Variants in ACTR3C observed in about 807,000 individuals in gnomAD.
The protein encoded by ACTR3C is actin-related protein 3C.
A neutral mutation model predicts 26.3 loss-of-function variants in ACTR3C; 18 were observed. The ratio of observed to expected loss-of-function variants is 0.68; its 90% CI spans 0.47 to 1.01. The LOEUF is 1.01. ACTR3C is among the 50% of genes least tolerant of loss of function. The pLI, the probability that ACTR3C is intolerant of heterozygous loss-of-function variation, is 0.00. For synonymous variants in ACTR3C, 55 were observed against 94.5 expected (o/e 0.58, Z 2.42); for missense variants, 184 against 250.7 (o/e 0.73, Z 1.80).
At chr7:149,956,704 T>C in the ACTR3C span, among the ~76,000 whole-genome samples, 2 of 151,120 alleles carry the variant, frequency 1.3e-5, no homozygotes, top group East Asian at 3.9e-4. Context: ...TTGCAGTAGG[T>C]TAGGCATACA....
At chr7:149,946,683 A>AT in the ACTR3C span, among the ~76,000 whole-genome samples, 1 of 152,216 alleles carries the variant, frequency 6.6e-6, no homozygotes, top group African/African-American at 2.4e-5. Flanking sequence ...TATGGACTAA[A>AT]TTTTTAAGTT....
chr7:149,896,861 A>G, the ACTR3C span, among the ~76,000 whole-genome samples: 1 of 151,846 alleles, frequency 6.6e-6, no homozygotes, highest in Non-Finnish European at 1.5e-5. Flanking sequence ...GGAGTTCAAG[A>G]CCAGCCTGAC....
At chr7:150,096,300 G>A in the ACTR3C span, among the ~76,000 whole-genome samples, 6 of 150,914 alleles carry the variant, frequency 4.0e-5, 1 homozygote, top group South Asian at 2.1e-4. Context: ...TGGAGTTTAC[G>A]AGGTTCTTGG....
the ACTR3C span, among the ~76,000 whole-genome samples, chr7:149,985,581 A>G: frequency 6.6e-6 from 1 of 152,202 alleles, no homozygotes; most frequent in Non-Finnish European, 1.5e-5. Context: ...AGTGGGCACC[A>G]CCCAATCCAG....
chr7:150,074,065 C>T, the ACTR3C span: 1 of 152,234 alleles, frequency 6.6e-6, no homozygotes, highest in Non-Finnish European at 1.5e-5. Context: ...TGCTGCCTCA[C>T]CAGAAAAGGA....
intron 6 of ACTR3C, among the ~76,000 whole-genome samples, chr7:150,261,029 G>A (rs1833599031): frequency 6.6e-6 from 1 of 152,122 alleles, no homozygotes; most frequent in African/African-American, 2.4e-5. Flanking sequence ...AAGTTTTTAA[G>A]CAAAACTTTA....
the ACTR3C span, among the ~76,000 whole-genome samples, chr7:150,042,786 T>C: frequency 6.6e-6 from 1 of 151,474 alleles, no homozygotes; most frequent in African/African-American, 2.4e-5. Flanking sequence ...TTTAGAGACG[T>C]AGGCTACCGG....
chr7:150,103,578 A>C, the ACTR3C span, among the ~76,000 whole-genome samples: 2 of 151,926 alleles, frequency 1.3e-5, no homozygotes. Context: ...GGTTGCAATG[A>C]ACATATATAA....
At chr7:150,292,565 AT>A (rs1351137900) in intron 3 of ACTR3C, among the ~76,000 whole-genome samples, 1 of 145,990 alleles carries the variant, frequency 6.8e-6, no homozygotes, top group Non-Finnish European at 1.5e-5. Context: ...CAATGGCGCG[AT>A]CTCGGCTCAC....
At chr7:150,159,132 C>T in the ACTR3C span, among the ~76,000 whole-genome samples, 1 of 151,904 alleles carries the variant, frequency 6.6e-6, no homozygotes, top group Non-Finnish European at 1.5e-5. Context: ...CACCATATCG[C>T]GCACCCTAAA....
At chr7:150,074,207 C>T in the ACTR3C span, 1 of 152,222 alleles carries the variant, frequency 6.6e-6, no homozygotes, top group East Asian at 1.9e-4. Flanking sequence ...GCATCTGTGC[C>T]AGGTTCCCTG....
At chr7:150,044,994 C>G in the ACTR3C span, 3 of 152,120 alleles carry the variant, frequency 2.0e-5, no homozygotes, top group African/African-American at 7.2e-5. Context: ...GAAGTAGCCG[C>G]GCTCCCAGCT....
chr7:150,003,427 A>G, the ACTR3C span, among the ~76,000 whole-genome samples: 1 of 151,068 alleles, frequency 6.6e-6, no homozygotes, highest in Admixed American at 6.6e-5. Flanking sequence ...GTAGTGTGTT[A>G]TGTGGTGTAT....
At chr7:150,257,401 A>G (rs1396475834) in intron 6 of ACTR3C, among the ~76,000 whole-genome samples, 1 of 152,208 alleles carries the variant, frequency 6.6e-6, no homozygotes, top group African/African-American at 2.4e-5. Flanking sequence ...TCAGGTGAGA[A>G]AAGGACTGAG....
At chr7:150,211,504 C>T in the ACTR3C span, among the ~76,000 whole-genome samples, 3 of 151,544 alleles carry the variant, frequency 2.0e-5, no homozygotes, top group African/African-American at 7.3e-5. Flanking sequence ...TCATCTTGAA[C>T]TCGTGGACTC....
the ACTR3C span, among the ~76,000 whole-genome samples, chr7:149,913,454 T>TA: frequency 6.6e-6 from 1 of 152,118 alleles, no homozygotes; most frequent in Admixed American, 6.6e-5. Context: ...GTTTACCTAT[T>TA]AGTTACAGGA....
intron 1 of ACTR3C, among the ~76,000 whole-genome samples, chr7:150,305,984 C>T (rs537015261): frequency 1.2e-4 from 19 of 152,252 alleles, no homozygotes; most frequent in East Asian, 1.2e-3. Flanking sequence ...CATTAACATA[C>T]GGTTAAGGAC....
At chr7:149,972,162 C>T in the ACTR3C span, among the ~76,000 whole-genome samples, 1 of 152,230 alleles carries the variant, frequency 6.6e-6, no homozygotes, top group Non-Finnish European at 1.5e-5. Context: ...CACTTACCCC[C>T]ATCCTCCCGC....
the ACTR3C span, among the ~76,000 whole-genome samples, chr7:149,889,630 G>C: frequency 2.0e-5 from 3 of 152,142 alleles, no homozygotes; most frequent in Non-Finnish European, 4.4e-5. Context: ...AGCACAAAAG[G>C]CTGGAGAGGA....
Sources: gnomAD v4.1 joint callset for allele counts (sites outside exome capture counted in the v4.1 genomes callset) on GRCh38, gnomAD v4.1.1 for gene constraint, MANE v1.5 for transcripts, NCBI Gene and HGNC (gene_info 2026-07-23, HGNC 2026-07-21) for gene names.